Variants in GCAT observed in about 807,000 individuals in gnomAD.
GCAT encodes the protein glycine C-acetyltransferase.
Under a neutral mutation model 39.7 loss-of-function variants are expected in GCAT, and 26 were observed. The ratio of observed to expected loss-of-function variants is 0.65; its 90% confidence interval spans 0.48 to 0.91. GCAT has a LOEUF of 0.91. Ranked by LOEUF, GCAT falls within the 40% of genes least tolerant of loss-of-function variation. The probability of loss-of-function intolerance (pLI) is 0.00; values close to 1 mark genes in which losing one functional copy is unlikely to be tolerated. For synonymous variants in GCAT, 218 were observed against 237.2 expected (o/e 0.92, Z 0.74); for missense variants, 550 against 576.2 (o/e 0.95, Z 0.47).
chr22:37,810,917 G>A (rs983132973), intron 2 of GCAT, among the ~76,000 whole-genome samples: 1 of 152,090 alleles, frequency 6.6e-6, no homozygotes, highest in Non-Finnish European at 1.5e-5. Context: ...CTTCCAAAGT[G>A]GAAACTGCCT....
chr22:37,808,130 G>A lies in GCAT; in HGVS notation c.163G>A (p.Gly55Arg), dbSNP rs1489869978. 3 of 1,543,226 alleles carry A rather than the reference G, an allele frequency of 1.9e-6. No individual in the cohort carries two copies. The highest frequency in any genetic ancestry group is 2.6e-5 in the East Asian group (1 of 38,144). The change falls in exon 1 of 9, where the codon GGG becomes AGG. Residue 55 changes from glycine (G) to arginine (R), a missense_variant. Gly to Arg is a moderately radical substitution (Grantham distance 125, BLOSUM62 -2). Around this residue, in one of 3 missense-constraint regions of GCAT, gnomAD observed 154 missense variants for 141.9 expected, o/e 1.08. Coordinates refer to ENST00000248924, the MANE Select transcript of GCAT (RefSeq NM_014291.4). ...TGAGCGGGTCATCACGTCCCGTCAG[G>A]GGCCGCACATCCGCGTGGACGGCGT... is the stretch of plus-strand genomic sequence containing the variant. ...KSERVITSRQ[G>R]PHIRVDGVSG...
rs1242979608 is a variant in GCAT at position 37,807,983 on chromosome 22, G to A, written c.16G>A (p.Ala6Thr). 5 of 1,535,880 alleles carry A rather than the reference G, an allele frequency of 3.3e-6. No individual in the cohort carries two copies. The highest frequency in any genetic ancestry group is 1.2e-5 in the South Asian group (1 of 83,584). The change falls in exon 1 of 9, where the codon GCC becomes ACC. Residue 6 changes from alanine (A) to threonine (T), a missense_variant. Physicochemically the swap from Ala to Thr is moderately conservative, Grantham distance 58 (BLOSUM62 0). Transcript: ENST00000248924. MWPGN[A>T]WRAALFWVPR... ...GGTAGGAGCGATGTGGCCTGGGAAC[G>A]CCTGGCGCGCCGCACTCTTCTGGGT...
Position 37,815,595 on chromosome 22 carries a change from T to C in GCAT, c.815-68T>C, listed in dbSNP as rs188473065. ...GGGGAGGGCAGCATGGACTGTACTT[T>C]CAGGAGGGGGTTGGGTAGGCTCTGG... On this transcript the variant is annotated intron_variant, in intron 6 of 8. Coordinates refer to ENST00000248924, the MANE Select transcript of GCAT (RefSeq NM_014291.4). 108 of 1,489,534 alleles carry C rather than the reference T, an allele frequency of 7.3e-5. No homozygotes were observed. The East Asian group carries it at 2.4e-3, about 34-fold the overall frequency. 92.3% of individuals were successfully genotyped at this position (1,489,534 alleles called of 1,614,324 possible). A position where few individuals can be genotyped will look rare whatever the true frequency, so the allele number is the denominator to read the frequency against.
chr22:37,815,741 TG>T lies in GCAT; in HGVS notation c.894del (p.Pro299HisfsTer12). 1.2e-6 allele frequency: 2 copies of T among 1,613,824 alleles called. No homozygotes were observed. The highest frequency in any genetic ancestry group is 4.5e-5 in the East Asian group (2 of 44,870). On this transcript the variant is annotated frameshift_variant, in exon 7 of 9. Coordinates refer to ENST00000248924, the MANE Select transcript of GCAT (RefSeq NM_014291.4). LOFTEE classifies it high-confidence loss of function. The stretch of plus-strand genomic sequence containing the variant: ...CGGCCATACCTCTTCTCCAACAGTC[TG>T]CCACCTGCTGTCGTTGGCTGCGCCT... ...RARPYLFSNS[L>X]PPAVVGCASK...
rs1601706151 is a variant in GCAT at position 37,816,862 on chromosome 22, G to A, written c.*144G>A. The A allele has an allele frequency of 2.8e-6, 2 of 725,518 alleles. No homozygotes were observed. Among genetic ancestry groups the A allele is most frequent in the East Asian group, 2.7e-5 (1 of 36,996 alleles). The allele number at this position is 725,518 out of a possible 1,614,324, so 44.9% of individuals were successfully genotyped here. On this transcript the variant is annotated 3_prime_UTR_variant, in exon 9 of 9. Coordinates refer to ENST00000248924, the MANE Select transcript of GCAT (RefSeq NM_014291.4). ...GGACGTGACCTGTGCTGAGGGCTGT[G>A]AGAATGTGAAACAACAGTGTGAAAA...
At chr22:37,808,871 G>A (rs192211152) in intron 1 of GCAT, among the ~76,000 whole-genome samples, 44 of 152,270 alleles carry the variant, frequency 2.9e-4, no homozygotes, top group Non-Finnish European at 5.6e-4. Flanking sequence ...ATTTTTAGTG[G>A]AGACTGGGTT....
rs1027764842 is a variant in GCAT, at chr22:37,808,179, G to T, written c.196+16G>T. 1.1e-5 allele frequency: 16 copies of T among 1,472,764 alleles called. No individual in the cohort carries two copies. Among genetic ancestry groups the T allele is most frequent in the Non-Finnish European group, 1.4e-5 (15 of 1,108,876 alleles). 91.2% of individuals were successfully genotyped at this position (1,472,764 alleles called of 1,614,324 possible). On this transcript the variant is annotated intron_variant, in intron 1 of 8. Transcript: ENST00000248924. ...GTCTCCGGAGGTAACGCTCCGTTCC[G>T]GGAGTCGTTCCAAGACCTTTCCCGA...
At position 37,813,546 on chromosome 22, in the gene GCAT, C is replaced by T. The variant is rs759867789; in HGVS notation, c.513C>T (p.Ala171=). 7.4e-6 allele frequency: 12 copies of T among 1,613,562 alleles called. No homozygotes were observed. The Admixed American group carries it at 1.0e-4, about 13-fold the overall frequency. ...SIIDGIRLCK[A]HKYRYRHLDM... is the part of the protein sequence containing the mutation. ...TCGACGGCATCCGGCTGTGCAAGGC[C>T]CACAAGTACCGCTATCGCCACCTGG... Residue 171 remains alanine (A), a synonymous_variant, in exon 4 of 9, where the codon GCC becomes GCT. Transcript: ENST00000248924.
intron 7 of GCAT, 103 bp downstream of exon 7, chr22:37,815,937 G>A (rs2145934601): frequency 1.4e-6 from 2 of 1,380,598 alleles, no homozygotes; most frequent in South Asian, 1.3e-5. Context: ...CACCGGGTCT[G>A]CTTCTGCCTG....
At chr22:37,812,712 ACTGT>A (rs1428505581) in intron 2 of GCAT, among the ~76,000 whole-genome samples, 171 bp from the exon 3 acceptor site, 1 of 152,058 alleles carries the variant, frequency 6.6e-6, no homozygotes, top group Non-Finnish European at 1.5e-5. Flanking sequence ...CTCAGTGGGA[ACTGT>A]CTGTCAGATT....
chr22:37,809,979 C>T (rs1406619380), intron 1 of GCAT, 48 bp from the exon 2 acceptor site: 3 of 1,607,282 alleles, frequency 1.9e-6, no homozygotes, highest in Admixed American at 3.4e-5. Flanking sequence ...CCAGGCCTGC[C>T]CTTGCCCCAC....
Position 37,816,670 on chromosome 22 carries a change from C to T in GCAT, c.1212C>T (p.Cys404=), listed in dbSNP as rs537467219. The change falls in exon 9 of 9, where the codon TGC becomes TGT. Residue 404 remains cysteine, a synonymous_variant. Coordinates refer to ENST00000248924, the MANE Select transcript of GCAT (RefSeq NM_014291.4). ...ATAGCGAGGAAGACATTGACCGCTG[C>T]GTGGAGGCCTTCGTGGAAGTGGGGC... The part of the protein sequence containing the change: ...AVHSEEDIDR[C]VEAFVEVGRL... The T allele has an allele frequency of 1.7e-4, 269 of 1,614,068 alleles. 7 individuals carry two copies. The South Asian group carries it at 2.8e-3, about 17-fold the overall frequency.
chr22:37,815,512 G>A lies in GCAT; in HGVS notation c.814+12G>A, dbSNP rs1357676946. 1 of 1,598,556 alleles carries A rather than the reference G, an allele frequency of 6.3e-7. No homozygotes were observed. The highest frequency in any genetic ancestry group is 1.1e-5 in the South Asian group (1 of 90,024). On this transcript the variant is annotated intron_variant, in intron 6 of 8. Coordinates refer to ENST00000248924, the MANE Select transcript of GCAT (RefSeq NM_014291.4). Reference sequence around the variant, plus strand: ...GGGTGGAGCATCAGGTACCTGCAAGGTTGTGTCCCTGGGGTCCCCTTGTCC... The same window carrying A: ...GGGTGGAGCATCAGGTACCTGCAAGATTGTGTCCCTGGGGTCCCCTTGTCC...
intron 4 of GCAT, among the ~76,000 whole-genome samples, chr22:37,814,904 T>G (rs1044223909): frequency 6.6e-6 from 1 of 152,188 alleles, no homozygotes; most frequent in Non-Finnish European, 1.5e-5. Flanking sequence ...GACTGAGATG[T>G]GAGCCCATTC....
chr22:37,815,914 A>G, intron 7 of GCAT, 80 bp downstream of exon 7: 2 of 1,532,834 alleles, frequency 1.3e-6, no homozygotes, highest in African/African-American at 1.4e-5. Flanking sequence ...AGGCCCACAG[A>G]CAGCTCTGTG....
At position 37,815,791 on chromosome 22, in the gene GCAT, G is replaced by A; in HGVS notation, c.943G>A (p.Gly315Arg). 1 of 1,614,094 alleles carries A rather than the reference G, an allele frequency of 6.2e-7. No homozygotes were observed. The highest frequency in any genetic ancestry group is 8.5e-7 in the Non-Finnish European group (1 of 1,180,002). Residue 315 changes from glycine (G) to arginine (R), a missense_variant, in exon 7 of 9, where the codon GGG (glycine) becomes AGG (arginine). Physicochemically the swap from Gly to Arg is moderately radical, Grantham distance 125 (BLOSUM62 -2). Coordinates refer to ENST00000248924, the MANE Select transcript of GCAT (RefSeq NM_014291.4). ...CASKALDLLM[G>R]SNTIVQSMAA... is the part of the protein sequence containing the mutation. ...CTCCAAGGCCCTAGATCTGCTGATGGGGAGTAACACCATTGTCCAGTCTAT... is the reference window on the plus strand; with the variant it reads ...CTCCAAGGCCCTAGATCTGCTGATGAGGAGTAACACCATTGTCCAGTCTAT...
At chr22:37,810,783 G>A (rs999533990) in intron 2 of GCAT, among the ~76,000 whole-genome samples, 1 of 151,990 alleles carries the variant, frequency 6.6e-6, no homozygotes, top group Non-Finnish European at 1.5e-5. Context: ...CCAAAGTGCT[G>A]GGATTACAGG....
intron 7 of GCAT, 76 bp downstream of exon 7, chr22:37,815,910 A>G: frequency 6.5e-7 from 1 of 1,545,672 alleles, no homozygotes. Context: ...GCCCAGGCCC[A>G]CAGACAGCTC....
chr22:37,808,606 T>C (rs1339670336), intron 1 of GCAT, among the ~76,000 whole-genome samples: 2 of 152,148 alleles, frequency 1.3e-5, no homozygotes, highest in African/African-American at 4.8e-5. Context: ...GGTAAACTCA[T>C]AGCAAGCAAG....
Sources: gnomAD v4.1 joint callset for allele counts (sites outside exome capture counted in the v4.1 genomes callset) on GRCh38, gnomAD v4.1.1 for gene constraint, gnomAD v4.1.1 regional missense constraint, MANE v1.5 for transcripts, NCBI Gene and HGNC (gene_info 2026-07-23, HGNC 2026-07-21) for gene names.